SNX29: variants seen among roughly 807,000 people sequenced by gnomAD.
SNX29 encodes the protein sorting nexin-29.
In SNX29, 78 loss-of-function variants were observed where a neutral mutation model predicts 102.1. The ratio of observed to expected loss-of-function variants is 0.76; its 90% CI spans 0.64 to 0.92. The LOEUF (loss-of-function observed/expected upper bound fraction) is 0.92, where lower values mean the gene tolerates loss of function less well. SNX29 is among the 40% of genes least tolerant of loss of function. SNX29 has a pLI of 0.00. For synonymous variants in SNX29, 580 were observed against 414.5 expected (o/e 1.40, Z -4.85); for missense variants, 1,280 against 1,061.7 (o/e 1.21, Z -2.86).
intron 14 of SNX29, among the ~76,000 whole-genome samples, chr16:12,228,730 C>T (rs933565861): frequency 2.0e-5 from 3 of 152,202 alleles, no homozygotes; most frequent in African/African-American, 4.8e-5. Context: ...TGGAACAAGC[C>T]GTGTTTTTCC....
At chr16:12,330,729 T>C (rs896899641) in intron 15 of SNX29, among the ~76,000 whole-genome samples, 4 of 152,086 alleles carry the variant, frequency 2.6e-5, no homozygotes, top group Non-Finnish European at 5.9e-5. Flanking sequence ...GGGCTGAGGG[T>C]GGCATCCTTG....
intron 20 of SNX29, among the ~76,000 whole-genome samples, chr16:12,546,129 C>T (rs544032046): frequency 2.0e-5 from 3 of 152,182 alleles, no homozygotes; most frequent in Non-Finnish European, 2.9e-5. Context: ...TCCCCATCCA[C>T]AAAACAGAGC....
At chr16:12,056,115 C>T (rs1225611483) in intron 8 of SNX29, among the ~76,000 whole-genome samples, 1 of 152,234 alleles carries the variant, frequency 6.6e-6, no homozygotes, top group African/African-American at 2.4e-5. Flanking sequence ...CTCCTGAGCT[C>T]AAGTGATCCA....
intron 14 of SNX29, among the ~76,000 whole-genome samples, chr16:12,267,128 G>T (rs974606740): frequency 3.3e-5 from 5 of 152,138 alleles, no homozygotes; most frequent in Non-Finnish European, 5.9e-5. Flanking sequence ...TTTTAGTGGA[G>T]AATCCATTAC....
intron 15 of SNX29, among the ~76,000 whole-genome samples, chr16:12,303,786 T>A (rs1284649656): frequency 6.6e-6 from 1 of 152,228 alleles, no homozygotes; most frequent in African/African-American, 2.4e-5. Context: ...AAATTAGATG[T>A]TCTGGAAGCA....
intron 11 of SNX29, among the ~76,000 whole-genome samples, chr16:12,097,461 G>C (rs768982484): frequency 1.3e-5 from 2 of 152,188 alleles, no homozygotes; most frequent in Non-Finnish European, 2.9e-5. Flanking sequence ...GCTCTCACTT[G>C]TCTGTGGTTA....
chr16:11,997,273 T>A (rs1596552088), intron 1 of SNX29, among the ~76,000 whole-genome samples: 2 of 152,286 alleles, frequency 1.3e-5, no homozygotes, highest in Non-Finnish European at 1.5e-5. Context: ...GTTTGCTCTG[T>A]CTGGAACACT....
At chr16:12,528,387 A>G (rs1271632140) in intron 20 of SNX29, among the ~76,000 whole-genome samples, 7 of 151,964 alleles carry the variant, frequency 4.6e-5, no homozygotes, top group African/African-American at 2.4e-5. Flanking sequence ...TATAGTAGAG[A>G]TGGGGTTTTG....
At position 12,064,429 on chromosome 16, in the gene SNX29, C is replaced by G. The variant is rs568308025; in HGVS notation, c.1243+2783C>G. Among the ~76,000 whole-genome samples, 30 of 152,362 alleles carry G rather than the reference C, an allele frequency of 2.0e-4. No homozygotes were observed. In the South Asian group the frequency reaches 2.9e-3, roughly 15 times the overall value. Reference sequence around the variant, plus strand: ...ACACCCGGCTGTCAGCTCGCAGAGTCAGCTCCATCTTCTCACTGCTGATGG... The same window carrying G: ...ACACCCGGCTGTCAGCTCGCAGAGTGAGCTCCATCTTCTCACTGCTGATGG... On this transcript the variant is annotated intron_variant, in intron 9 of 20. Transcript: ENST00000566228.
At chr16:12,473,522 A>G (rs1271577670) in intron 18 of SNX29, among the ~76,000 whole-genome samples, 1 of 152,176 alleles carries the variant, frequency 6.6e-6, no homozygotes, top group Non-Finnish European at 1.5e-5. Context: ...ACTGCAGCAG[A>G]GCAGCCTGCT....
chr16:12,133,094 C>T (rs2054528297), intron 13 of SNX29, among the ~76,000 whole-genome samples: 1 of 151,990 alleles, frequency 6.6e-6, no homozygotes, highest in South Asian at 2.1e-4. Flanking sequence ...ATTGCGCCGG[C>T]GCCATGCTTT....
At chr16:12,343,024 A>G (rs1249702091) in intron 15 of SNX29, among the ~76,000 whole-genome samples, 2 of 152,242 alleles carry the variant, frequency 1.3e-5, no homozygotes, top group East Asian at 1.9e-4. Flanking sequence ...TTTGATGCTC[A>G]TAAAATTTAA....
intron 8 of SNX29, among the ~76,000 whole-genome samples, chr16:12,061,104 A>G (rs951906741): frequency 2.0e-5 from 3 of 151,980 alleles, no homozygotes; most frequent in Non-Finnish European, 4.4e-5. Flanking sequence ...GGCTTCCTCC[A>G]GCTCCCCTCC....
At chr16:12,109,733 T>A (rs1302884310) in intron 11 of SNX29, among the ~76,000 whole-genome samples, 2 of 132,292 alleles carry the variant, frequency 1.5e-5, no homozygotes, top group Non-Finnish European at 3.5e-5. Flanking sequence ...TCCATTGCCC[T>A]CATCTTTTTT....
chr16:12,493,331 CTGTT>C (rs1450871528), intron 19 of SNX29, among the ~76,000 whole-genome samples: 3 of 152,154 alleles, frequency 2.0e-5, no homozygotes, highest in Admixed American at 6.5e-5. Context: ...ATTTGGCTCT[CTGTT>C]TGTCTGTTAT....
chr16:12,266,387 G>T (rs1281925978), intron 14 of SNX29, among the ~76,000 whole-genome samples: 1 of 152,092 alleles, frequency 6.6e-6, no homozygotes, highest in Non-Finnish European at 1.5e-5. Context: ...AGTGCCCCAG[G>T]ACTGCCCCTA....
chr16:12,512,821 G>T (rs962293233), intron 19 of SNX29, among the ~76,000 whole-genome samples: 1 of 152,180 alleles, frequency 6.6e-6, no homozygotes. Flanking sequence ...CCGATCCCAT[G>T]GACTCAATCA....
At chr16:12,123,615 G>C (rs2054075989) in intron 11 of SNX29, among the ~76,000 whole-genome samples, 1 of 152,148 alleles carries the variant, frequency 6.6e-6, no homozygotes, top group African/African-American at 2.4e-5. Context: ...CCCTCCTGCT[G>C]TTCCGTTTCT....
At chr16:12,327,946 G>A (rs1020536862) in intron 15 of SNX29, among the ~76,000 whole-genome samples, 1 of 152,140 alleles carries the variant, frequency 6.6e-6, no homozygotes. Context: ...CATAATCTCC[G>A]TGTGGAGTTG....
Sources: gnomAD v4.1 joint callset for allele counts (sites outside exome capture counted in the v4.1 genomes callset) on GRCh38, gnomAD v4.1.1 for gene constraint, MANE v1.5 for transcripts, NCBI Gene and HGNC (gene_info 2026-07-23, HGNC 2026-07-21) for gene names.